PHLPP1: variants seen among roughly 807,000 people sequenced by gnomAD.
PHLPP1 encodes PH domain leucine-rich repeat-containing protein phosphatase 1.
Under a neutral mutation model 117.2 loss-of-function variants are expected in PHLPP1, and 42 were observed. The ratio of observed to expected loss-of-function variants is 0.36; its 90% CI spans 0.28 to 0.46. The LOEUF (loss-of-function observed/expected upper bound fraction) is 0.46. Among genes scored for constraint, PHLPP1 ranks in the 20% least tolerant of loss-of-function variants. The pLI is 1.00. For missense variants in PHLPP1, 2,084 were observed against 2,241.9 expected, an observed-to-expected ratio of 0.93 and a Z score of 1.42; for synonymous variants, 1,042 against 970.7, an observed-to-expected ratio of 1.07 and a Z score of -1.37.
intron 1 of PHLPP1, among the ~76,000 whole-genome samples, chr18:62,828,543 A>G (rs1914670838): frequency 6.6e-6 from 1 of 152,198 alleles, no homozygotes; most frequent in Admixed American, 6.5e-5. Flanking sequence ...TATTTATTTT[A>G]TAAAACATTT....
At chr18:62,780,568 G>C (rs188132372) in intron 1 of PHLPP1, among the ~76,000 whole-genome samples, 1 of 152,300 alleles carries the variant, frequency 6.6e-6, no homozygotes. Flanking sequence ...TCCATTCCGT[G>C]TTCTGTAGTT....
intron 4 of PHLPP1, among the ~76,000 whole-genome samples, chr18:62,882,731 T>C (rs767365802): frequency 1.3e-5 from 2 of 152,058 alleles, no homozygotes; most frequent in African/African-American, 2.4e-5. Context: ...CAACATGTGC[T>C]TGGTTTTATA....
At chr18:62,821,823 C>G (rs943633902) in intron 1 of PHLPP1, among the ~76,000 whole-genome samples, 1 of 151,130 alleles carries the variant, frequency 6.6e-6, no homozygotes, top group Non-Finnish European at 1.5e-5. Flanking sequence ...GCTGTTTCGG[C>G]TCACTGCAAC....
At chr18:62,745,568 G>C (rs1237597563) in intron 1 of PHLPP1, among the ~76,000 whole-genome samples, 3 of 152,176 alleles carry the variant, frequency 2.0e-5, no homozygotes, top group African/African-American at 7.2e-5. Flanking sequence ...CCTTCACATA[G>C]TGCAGTGGTG....
rs1463880109 is a variant in PHLPP1 at position 62,830,446 on chromosome 18, C to T, written c.1773+215C>T. On this transcript the variant is annotated intron_variant, in intron 2 of 16. Transcript: ENST00000262719. ...GTTTCACCATGTTGGCCAGGCTGGT[C>T]TTGAACTCCTGACCTCAAGTGATCT... Among the ~76,000 whole-genome samples, 3 of 152,168 alleles carry T rather than the reference C, an allele frequency of 2.0e-5. No individual in the cohort carries two copies. In the East Asian group the frequency reaches 5.8e-4, roughly 29 times the overall value.
At chr18:62,939,179 A>AG (rs751850192) in intron 10 of PHLPP1, among the ~76,000 whole-genome samples, 23 of 151,590 alleles carry the variant, frequency 1.5e-4, no homozygotes, top group Admixed American at 3.3e-4. Context: ...TTAGTAGAGG[A>AG]GGGGGGTTTC....
chr18:62,944,235 A>G (rs138593803), intron 11 of PHLPP1, among the ~76,000 whole-genome samples: 4 of 152,336 alleles, frequency 2.6e-5, no homozygotes, highest in African/African-American at 9.6e-5. Context: ...AAAAGGGTCA[A>G]AAAAGTGCCA....
At chr18:62,752,539 T>G (rs1423184128) in intron 1 of PHLPP1, among the ~76,000 whole-genome samples, 1 of 152,216 alleles carries the variant, frequency 6.6e-6, no homozygotes, top group Admixed American at 6.5e-5. Context: ...TGATTTTGTT[T>G]TGTTTCGAGA....
At position 62,904,748 on chromosome 18, in the gene PHLPP1, G is replaced by A. The variant is rs563900949; in HGVS notation, c.2648-476G>A. ...AAACTACTCTTGTCCAAGAAACACA[G>A]TGACAGGGGACAGTGGTGTCATATT... is the stretch of plus-strand genomic sequence containing the variant. On this transcript the variant is annotated intron_variant, in intron 7 of 16. Transcript: ENST00000262719. Among the ~76,000 whole-genome samples the A allele has an allele frequency of 5.3e-5, 8 of 152,360 alleles. No individual in the cohort carries two copies. In the East Asian group the frequency reaches 1.5e-3, roughly 29 times the overall value.
At chr18:62,892,082 C>CTT (rs200141250) in intron 4 of PHLPP1, among the ~76,000 whole-genome samples, 32 of 107,962 alleles carry the variant, frequency 3.0e-4, no homozygotes, top group South Asian at 6.5e-4. Context: ...TTCTTTCTTT[C>CTT]TTTTTTTTTT....
At chr18:62,718,087 G>A (rs1319208401) in intron 1 of PHLPP1, among the ~76,000 whole-genome samples, 1 of 152,178 alleles carries the variant, frequency 6.6e-6, no homozygotes, top group Non-Finnish European at 1.5e-5. Context: ...GGTGACCCAT[G>A]TAATGTTTCT....
intron 14 of PHLPP1, among the ~76,000 whole-genome samples, chr18:62,968,657 C>A (rs951497799): frequency 6.6e-6 from 1 of 150,950 alleles, no homozygotes; most frequent in African/African-American, 2.4e-5. Flanking sequence ...TCTGCCTCAG[C>A]CTTCTGAGTA....
chr18:62,873,091 G>T (rs1160174482), intron 4 of PHLPP1, among the ~76,000 whole-genome samples: 1 of 152,002 alleles, frequency 6.6e-6, no homozygotes, highest in African/African-American at 2.4e-5. Context: ...TGCCAAAGTG[G>T]TATATTTTGG....
intron 10 of PHLPP1, among the ~76,000 whole-genome samples, chr18:62,922,021 T>C (rs1372775329): frequency 6.6e-6 from 1 of 152,252 alleles, no homozygotes; most frequent in African/African-American, 2.4e-5. Context: ...AATGGGATTG[T>C]CATATTGTAA....
chr18:62,734,658 G>A lies in PHLPP1; in HGVS notation c.1576+17399G>A, dbSNP rs115179159. Among the ~76,000 whole-genome samples the A allele has an allele frequency of 5.5e-3, 834 of 152,258 alleles. 11 individuals are homozygous for A. The highest frequency in any genetic ancestry group is 0.019 in the African/African-American group (795 of 41,542). On this transcript the variant is annotated intron_variant, in intron 1 of 16. Transcript: ENST00000262719. ...AGCCTGTCTGACTAAAATAAGTCATGCTTCTAATCCAAATAAAATACTTCT... is the reference window on the plus strand; with the variant it reads ...AGCCTGTCTGACTAAAATAAGTCATACTTCTAATCCAAATAAAATACTTCT...
At chr18:62,816,726 G>T (rs12955395) in intron 1 of PHLPP1, among the ~76,000 whole-genome samples, 8,597 of 152,102 alleles carry the variant, frequency 0.057, 337 homozygotes, top group Middle Eastern at 0.088. Context: ...GTGGCAATTT[G>T]GGGGATATAT....
At chr18:62,750,549 G>A (rs1911816790) in intron 1 of PHLPP1, among the ~76,000 whole-genome samples, 1 of 152,170 alleles carries the variant, frequency 6.6e-6, no homozygotes, top group African/African-American at 2.4e-5. Flanking sequence ...TTCAAAAGCT[G>A]TGCTCAGATT....
At chr18:62,917,695 C>T (rs1394464483) in intron 9 of PHLPP1, among the ~76,000 whole-genome samples, 1 of 151,770 alleles carries the variant, frequency 6.6e-6, no homozygotes, top group Non-Finnish European at 1.5e-5. Flanking sequence ...TGCCTGTAGT[C>T]CCAGCTACTT....
intron 4 of PHLPP1, among the ~76,000 whole-genome samples, chr18:62,881,786 G>A (rs1231494745): frequency 6.6e-6 from 1 of 152,212 alleles, no homozygotes; most frequent in Admixed American, 6.5e-5. Flanking sequence ...GTCATATAGG[G>A]ACGACAGGAA....
Sources: gnomAD v4.1 joint callset for allele counts (sites outside exome capture counted in the v4.1 genomes callset) on GRCh38, gnomAD v4.1.1 for gene constraint, MANE v1.5 for transcripts, NCBI Gene and HGNC (gene_info 2026-07-23, HGNC 2026-07-21) for gene names.